Variants in CSMD1 observed in about 807,000 individuals in gnomAD.
The protein encoded by CSMD1 is CUB and sushi domain-containing protein 1.
Under a neutral mutation model 417.5 loss-of-function variants are expected in CSMD1, and 213 were observed. That is an observed-to-expected ratio of 0.51 (90% CI 0.46 to 0.57). CSMD1 has a LOEUF of 0.57. CSMD1 is among the 20% of genes least tolerant of loss of function. The probability of loss-of-function intolerance (pLI) is 0.00; values close to 1 mark genes in which losing one functional copy is unlikely to be tolerated. For missense variants in CSMD1, 6,923 were observed against 4,529.7 expected, an observed-to-expected ratio of 1.53 and a Z score of -15.17; for synonymous variants, 2,862 against 1,736.8, an observed-to-expected ratio of 1.65 and a Z score of -16.11.
chr8:3,171,494 A>T (rs1428193378), intron 37 of CSMD1, among the ~76,000 whole-genome samples: 3 of 152,166 alleles, frequency 2.0e-5, no homozygotes, highest in Non-Finnish European at 1.5e-5. Flanking sequence ...ATAAATGATG[A>T]GTTGGTGGTT....
chr8:4,138,066 TTTTTTTTTTTTTTTTTTTTTTG>T, intron 3 of CSMD1, among the ~76,000 whole-genome samples: 1 of 78,510 alleles, frequency 1.3e-5, no homozygotes, highest in East Asian at 3.7e-4. Flanking sequence ...TTTTTTTTTT[TTTTTTTTTTTTTTTTTTTTTTG>T]TATTTTTTAG....
chr8:4,033,448 AC>A (rs1262227111), intron 3 of CSMD1, among the ~76,000 whole-genome samples: 5 of 152,330 alleles, frequency 3.3e-5, no homozygotes, highest in African/African-American at 1.2e-4. Context: ...CCTCAAAAAA[AC>A]AAAACAACAA....
chr8:4,498,629 A>C (rs539849820), intron 2 of CSMD1, among the ~76,000 whole-genome samples: 1 of 152,298 alleles, frequency 6.6e-6, no homozygotes, highest in Non-Finnish European at 1.5e-5. Flanking sequence ...AGGTAAAATA[A>C]AGTTACTTCT....
In CSMD1 at chr8:3,882,406, T is replaced by C. The variant is rs921184172; in HGVS notation, c.818+115497A>G. ...AATACAATTTTAAAAACAGGAAACC[T>C]GCCAAATGTTGGTTATGTGGAGCAA... On this transcript the variant is annotated intron_variant, in intron 5 of 69. Transcript: ENST00000635120. 2.6e-5 allele frequency among the ~76,000 whole-genome samples: 4 copies of C among 152,188 alleles called. No homozygotes were observed. The East Asian group carries it at 7.7e-4, about 29-fold the overall frequency.
chr8:3,334,467 CA>C (rs1168763416), intron 23 of CSMD1, among the ~76,000 whole-genome samples: 6 of 152,156 alleles, frequency 3.9e-5, no homozygotes, highest in Non-Finnish European at 5.9e-5. Flanking sequence ...TTTTTATTTT[CA>C]AAGCCACTCT....
At chr8:3,880,692 C>G (rs1318436192) in intron 5 of CSMD1, among the ~76,000 whole-genome samples, 1 of 152,082 alleles carries the variant, frequency 6.6e-6, no homozygotes, top group Non-Finnish European at 1.5e-5. Context: ...CACACGTTTC[C>G]CAAATCCTCA....
chr8:4,670,308 G>C (rs1015564144), intron 1 of CSMD1, among the ~76,000 whole-genome samples: 6 of 152,142 alleles, frequency 3.9e-5, no homozygotes, highest in Non-Finnish European at 7.4e-5. Flanking sequence ...TTGTGGCCTT[G>C]GCCCTAGGGA....
chr8:3,689,163 G>C (rs1266400463), intron 7 of CSMD1, among the ~76,000 whole-genome samples: 1 of 152,150 alleles, frequency 6.6e-6, no homozygotes, highest in Non-Finnish European at 1.5e-5. Context: ...GCGCTCTAAG[G>C]TTGGGAACAT....
chr8:3,544,449 G>A (rs1042333177), intron 10 of CSMD1, among the ~76,000 whole-genome samples: 9 of 152,028 alleles, frequency 5.9e-5, no homozygotes, highest in African/African-American at 2.2e-4. Context: ...TTACTCTCGG[G>A]AACGCCTTAC....
At chr8:4,919,955 T>G (rs1434573833) in intron 1 of CSMD1, among the ~76,000 whole-genome samples, 1 of 152,188 alleles carries the variant, frequency 6.6e-6, no homozygotes, top group African/African-American at 2.4e-5. Context: ...TGCCAATGCC[T>G]TGATCTTGGA....
chr8:4,773,600 G>T (rs563205658), intron 1 of CSMD1, among the ~76,000 whole-genome samples: 1 of 152,246 alleles, frequency 6.6e-6, no homozygotes, highest in South Asian at 2.1e-4. Flanking sequence ...AGGATACCAA[G>T]GATTCCTCAG....
intron 5 of CSMD1, among the ~76,000 whole-genome samples, chr8:3,990,100 G>A (rs1814631944): frequency 6.6e-6 from 1 of 152,150 alleles, no homozygotes; most frequent in African/African-American, 2.4e-5. Context: ...AGAAGGCAGA[G>A]TGTTTTTAAA....
chr8:3,142,989 C>T (rs563379628), intron 40 of CSMD1, among the ~76,000 whole-genome samples: 6 of 152,300 alleles, frequency 3.9e-5, no homozygotes, highest in Admixed American at 1.3e-4. Context: ...CTAGCACACA[C>T]GCACTCGGGG....
intron 1 of CSMD1, among the ~76,000 whole-genome samples, chr8:4,979,037 C>G (rs944221115): frequency 3.3e-5 from 5 of 152,136 alleles, no homozygotes; most frequent in African/African-American, 1.2e-4. Flanking sequence ...CTATTATTTC[C>G]TCTCATCGTT....
At chr8:4,509,766 A>G (rs946493476) in intron 2 of CSMD1, among the ~76,000 whole-genome samples, 13 of 152,156 alleles carry the variant, frequency 8.5e-5, no homozygotes, top group African/African-American at 2.9e-4. Context: ...TGTCACACAC[A>G]CTAAATATCA....
At chr8:3,287,391 G>A (rs1392274796) in intron 25 of CSMD1, among the ~76,000 whole-genome samples, 4 of 152,058 alleles carry the variant, frequency 2.6e-5, no homozygotes, top group Non-Finnish European at 5.9e-5. Flanking sequence ...ATTACCTTGG[G>A]CAGTATGGCC....
intron 1 of CSMD1, among the ~76,000 whole-genome samples, chr8:4,923,546 T>A (rs1806643601): frequency 6.6e-6 from 1 of 152,152 alleles, no homozygotes; most frequent in Admixed American, 6.6e-5. Flanking sequence ...ATATACTATG[T>A]GCCCACATAA....
intron 39 of CSMD1, among the ~76,000 whole-genome samples, chr8:3,153,305 T>C (rs1563091415): frequency 6.6e-6 from 1 of 152,318 alleles, no homozygotes; most frequent in Admixed American, 6.5e-5. Flanking sequence ...TAGCATATCA[T>C]CAAGAAACAA....
intron 3 of CSMD1, among the ~76,000 whole-genome samples, chr8:4,283,055 TAGAAAC>T (rs1339467160): frequency 6.6e-6 from 1 of 152,170 alleles, no homozygotes; most frequent in African/African-American, 2.4e-5. Flanking sequence ...GCCTGATAGT[TAGAAAC>T]AGACTGTTTT....
Sources: allele counts gnomAD v4.1 joint callset (sites outside exome capture counted in the v4.1 genomes callset), GRCh38; gene constraint gnomAD v4.1.1; transcripts MANE v1.5; gene names NCBI Gene and HGNC (gene_info 2026-07-23, HGNC 2026-07-21).